TSPAN15: variants seen among roughly 807,000 people sequenced by gnomAD.
The protein encoded by TSPAN15 is tetraspanin-15.
TSPAN15 carries 20 observed loss-of-function variants against 34.5 expected under a neutral mutation model. That is an observed-to-expected ratio of 0.58 (90% CI 0.41 to 0.84). TSPAN15 has a LOEUF of 0.84. Among genes scored for constraint, TSPAN15 ranks in the 40% least tolerant of loss-of-function variants. The pLI is 0.00. For synonymous variants in TSPAN15, 155 were observed against 153.9 expected, an observed-to-expected ratio of 1.01 and a Z score of -0.05; for missense variants, 313 against 386.1, an observed-to-expected ratio of 0.81 and a Z score of 1.59.
At chr10:69,541,102 C>T in the TSPAN15 span, among the ~76,000 whole-genome samples, 2 of 152,134 alleles carry the variant, frequency 1.3e-5, no homozygotes, top group Non-Finnish European at 2.9e-5. Context: ...GAAGGAGTCA[C>T]TGTGATACAG....
At chr10:69,547,118 CTT>C in the TSPAN15 span, among the ~76,000 whole-genome samples, 1 of 152,116 alleles carries the variant, frequency 6.6e-6, no homozygotes, top group African/African-American at 2.4e-5. Flanking sequence ...AGGAGAATCT[CTT>C]GAACCTAGAA....
chr10:69,491,120 C>T (rs1331633642), intron 3 of TSPAN15, among the ~76,000 whole-genome samples: 3 of 152,202 alleles, frequency 2.0e-5, no homozygotes, highest in African/African-American at 7.2e-5. Flanking sequence ...TGACCCTGGC[C>T]AGGTCTGAGG....
intron 3 of TSPAN15, 150 bp downstream of exon 3, chr10:69,485,365 T>A: frequency 1.4e-6 from 1 of 731,330 alleles, no homozygotes; most frequent in Non-Finnish European, 2.4e-6. Flanking sequence ...ACTGAACAAG[T>A]AAAGCAGCGA....
At chr10:69,497,956 G>A (rs1179662727) in intron 4 of TSPAN15, among the ~76,000 whole-genome samples, 2 of 152,170 alleles carry the variant, frequency 1.3e-5, no homozygotes, top group Admixed American at 6.5e-5. Flanking sequence ...CCTAGCACCT[G>A]CATTTGGGGA....
At chr10:69,479,078 C>T (rs988154431) in intron 1 of TSPAN15, among the ~76,000 whole-genome samples, 2 of 152,246 alleles carry the variant, frequency 1.3e-5, no homozygotes, top group African/African-American at 2.4e-5. Context: ...GCCTCTCTTA[C>T]TCTCCCTTCT....
the TSPAN15 span, among the ~76,000 whole-genome samples, chr10:69,539,563 G>GAGAAGAAGA: frequency 2.0e-5 from 2 of 101,512 alleles, no homozygotes; most frequent in African/African-American, 6.8e-5. Context: ...GAAGGAGAAG[G>GAGAAGAAGA]AGAAGAAGAC....
At chr10:69,483,960 C>T (rs968998972) in intron 2 of TSPAN15, 84 bp downstream of exon 2, 1 of 1,449,128 alleles carries the variant, frequency 6.9e-7, no homozygotes, top group Non-Finnish European at 9.3e-7. Context: ...AGCTCAGTTT[C>T]TTTTGTCCCT....
chr10:69,530,816 CTCTCTATATATA>C, the TSPAN15 span, among the ~76,000 whole-genome samples: 208 of 52,326 alleles, frequency 4.0e-3, no homozygotes, highest in Admixed American at 6.2e-3. Context: ...CTCTCTCTCT[CTCTCTATATATA>C]TATATATATA....
At chr10:69,468,546 G>A (rs377213742) in intron 1 of TSPAN15, among the ~76,000 whole-genome samples, 2 of 149,322 alleles carry the variant, frequency 1.3e-5, no homozygotes, top group East Asian at 2.0e-4. Flanking sequence ...AAAGTTAAAC[G>A]CACAGAAAAA....
At chr10:69,457,282 T>C (rs1841133065) in intron 1 of TSPAN15, among the ~76,000 whole-genome samples, 1 of 152,132 alleles carries the variant, frequency 6.6e-6, no homozygotes, top group South Asian at 2.1e-4. Context: ...TGCATGATGG[T>C]GATTGAGTCC....
intron 3 of TSPAN15, among the ~76,000 whole-genome samples, chr10:69,493,794 C>A (rs1413376336): frequency 6.6e-6 from 1 of 151,940 alleles, no homozygotes; most frequent in African/African-American, 2.4e-5. Flanking sequence ...TTTGTATTTT[C>A]AGTGGAGGCA....
At chr10:69,545,930 C>T in the TSPAN15 span, among the ~76,000 whole-genome samples, 44 of 151,930 alleles carry the variant, frequency 2.9e-4, no homozygotes, top group African/African-American at 9.2e-4. Context: ...CACTCCAGCC[C>T]GGGTGACAGA....
the TSPAN15 span, among the ~76,000 whole-genome samples, chr10:69,538,875 T>G: frequency 1.3e-5 from 2 of 152,142 alleles, no homozygotes; most frequent in African/African-American, 2.4e-5. Flanking sequence ...GTGTGCAGTA[T>G]GAAGAAAAGG....
intron 1 of TSPAN15, among the ~76,000 whole-genome samples, chr10:69,474,510 G>T (rs1183816133): frequency 6.6e-6 from 1 of 152,138 alleles, no homozygotes; most frequent in Non-Finnish European, 1.5e-5. Flanking sequence ...CTGAGAGAAG[G>T]AAGATCTGGG....
intron 1 of TSPAN15, among the ~76,000 whole-genome samples, chr10:69,482,262 C>A (rs36031942): frequency 0.1 from 15,363 of 152,218 alleles, 1,209 homozygotes; most frequent in East Asian, 0.42. Flanking sequence ...GGGGAGTAAG[C>A]CATGAGTGTG....
chr10:69,479,118 T>C (rs1841677274), intron 1 of TSPAN15, among the ~76,000 whole-genome samples: 1 of 152,248 alleles, frequency 6.6e-6, no homozygotes, highest in Admixed American at 6.5e-5. Context: ...TGTGAGCCTA[T>C]AGAACGTAAT....
At chr10:69,471,522 A>C (rs189872125) in intron 1 of TSPAN15, among the ~76,000 whole-genome samples, 2 of 152,132 alleles carry the variant, frequency 1.3e-5, no homozygotes, top group African/African-American at 4.8e-5. Flanking sequence ...AATGCTATTT[A>C]ACATATAAAT....
intron 5 of TSPAN15, among the ~76,000 whole-genome samples, chr10:69,502,314 A>G (rs926516420): frequency 6.6e-6 from 1 of 152,212 alleles, no homozygotes; most frequent in Non-Finnish European, 1.5e-5. Flanking sequence ...GCGTGCTTCT[A>G]CATTAAATGG....
the TSPAN15 span, among the ~76,000 whole-genome samples, chr10:69,548,062 AG>A: frequency 6.6e-6 from 1 of 152,150 alleles, no homozygotes; most frequent in Non-Finnish European, 1.5e-5. Flanking sequence ...TGTGGTCTGG[AG>A]GGCACTGTGA....
Sources: allele counts gnomAD v4.1 joint callset (sites outside exome capture counted in the v4.1 genomes callset), GRCh38; gene constraint gnomAD v4.1.1; transcripts MANE v1.5; gene names NCBI Gene and HGNC (gene_info 2026-07-23, HGNC 2026-07-21).